The following SYNE3 variants were observed in gnomAD, a reference collection of about 807,000 sequenced individuals.
SYNE3 encodes the protein spectrin repeat containing nuclear envelope family member 3.
SYNE3 carries 100 observed loss-of-function variants against 111.2 expected under a neutral mutation model. The observed-to-expected ratio is 0.90, with a 90% CI of 0.77 to 1.06. SYNE3 has a LOEUF of 1.06. Ranked by LOEUF, SYNE3 falls within the 50% of genes least tolerant of loss-of-function variation. SYNE3 has a pLI of 0.00. For missense variants in SYNE3, 1,160 were observed against 1,240.3 expected (o/e 0.94, Z 0.97); for synonymous variants, 547 against 533.9 (o/e 1.02, Z -0.34).
intron 15 of SYNE3, among the ~76,000 whole-genome samples, chr14:95,435,072 C>A (rs1886010890): frequency 6.6e-6 from 1 of 152,238 alleles, no homozygotes; most frequent in Non-Finnish European, 1.5e-5. Context: ...TAATATACAA[C>A]AGAAACATTC....
chr14:95,496,528 G>A (rs2368591), intron 1 of SYNE3, among the ~76,000 whole-genome samples: 97,709 of 152,080 alleles, frequency 0.64, 31,869 homozygotes, highest in African/African-American at 0.76. Flanking sequence ...TCCTGGGATC[G>A]GGGGTGGGAC....
At position 95,468,469 on chromosome 14, in the gene SYNE3, G is replaced by T. The variant is rs542331007; in HGVS notation, c.145-502C>A. Among the ~76,000 whole-genome samples the T allele has an allele frequency of 3.2e-4, 48 of 152,328 alleles. 1 individual carries two copies. The highest frequency in any genetic ancestry group is 3.1e-3 in the Admixed American group (48 of 15,302). On this transcript the variant is annotated intron_variant, in intron 2 of 17. Coordinates refer to ENST00000682763, the MANE Select transcript of SYNE3 (RefSeq NM_152592.6). Reference sequence around the variant, plus strand: ...GAATCATCTCTGTCTTTCGCAGTTTGCACCAGAGCCTTGCTCCTGAGGCTG... The same window carrying T: ...GAATCATCTCTGTCTTTCGCAGTTTTCACCAGAGCCTTGCTCCTGAGGCTG...
At chr14:95,425,654 T>C (rs1029937107) in intron 17 of SYNE3, among the ~76,000 whole-genome samples, 2 of 152,154 alleles carry the variant, frequency 1.3e-5, no homozygotes, top group Non-Finnish European at 2.9e-5. Flanking sequence ...AGCACACTAA[T>C]GTAAGATGTT....
At position 95,409,195 on chromosome 14, in the gene SYNE3, C is replaced by A; in HGVS notation, c.*8631G>T. The A allele has an allele frequency of 2.2e-6, 1 of 456,760 alleles. No individual in the cohort carries two copies. Among genetic ancestry groups the A allele is most frequent in the South Asian group, 1.5e-5 (1 of 64,572 alleles). The allele number at this position is 456,760 out of a possible 1,614,324, so 28.3% of individuals were successfully genotyped here. A position where few individuals can be genotyped will look rare whatever the true frequency, so the allele number is the denominator to read the frequency against. ...AGCCAGTCATGCCTGGGTACAAGTC[C>A]CAAATTTACCACTCCCCGCCTAGCT... On this transcript the variant is annotated 3_prime_UTR_variant, in exon 18 of 18. Transcript: ENST00000682763.
chr14:95,513,227 T>C (rs549750663), intron 1 of SYNE3, among the ~76,000 whole-genome samples: 30 of 152,316 alleles, frequency 2.0e-4, no homozygotes, highest in African/African-American at 7.2e-4. Context: ...GCTAATCACC[T>C]TCTTGCTTTT....
At chr14:95,471,661 G>A (rs1019042953) in intron 2 of SYNE3, among the ~76,000 whole-genome samples, 5 of 152,226 alleles carry the variant, frequency 3.3e-5, no homozygotes, top group Non-Finnish European at 5.9e-5. Context: ...TTTTCACTGC[G>A]CTGATGATTA....
At position 95,416,367 on chromosome 14, in the gene SYNE3, G is replaced by A. The variant is rs569818571; in HGVS notation, c.*1459C>T. The A allele has an allele frequency of 1.4e-4, 21 of 152,360 alleles. No individual in the cohort carries two copies. The highest frequency in any genetic ancestry group is 5.2e-4 in the Admixed American group (8 of 15,308). 9.4% of individuals were successfully genotyped at this position (152,360 alleles called of 1,614,324 possible). A position where few individuals can be genotyped will look rare whatever the true frequency, so the allele number is the denominator to read the frequency against. ...GATTCCAAAGCCGGACAGAAGGTCC[G>A]AGGAAATCCCCTCGTATTTGTAGTT... On this transcript the variant is annotated 3_prime_UTR_variant, in exon 18 of 18. Transcript: ENST00000682763.
intron 4 of SYNE3, among the ~76,000 whole-genome samples, chr14:95,461,468 T>C (rs1019977052): frequency 4.6e-5 from 7 of 152,240 alleles, no homozygotes; most frequent in African/African-American, 1.7e-4. Flanking sequence ...GGCTTAGCCT[T>C]GGCCCTAGTC....
intron 1 of SYNE3, among the ~76,000 whole-genome samples, chr14:95,495,098 C>G (rs185667399): frequency 1.4e-3 from 203 of 148,256 alleles, no homozygotes; most frequent in African/African-American, 4.7e-3. Context: ...GGCAACAGAG[C>G]GAGACTCAGT....
At chr14:95,429,374 T>C (rs1399884948) in intron 17 of SYNE3, among the ~76,000 whole-genome samples, 5 of 152,204 alleles carry the variant, frequency 3.3e-5, no homozygotes, top group Non-Finnish European at 4.4e-5. Context: ...AGCCTGGGTT[T>C]GAACCCAGAG....
intron 1 of SYNE3, among the ~76,000 whole-genome samples, chr14:95,510,345 T>A (rs1339515244): frequency 6.6e-6 from 1 of 152,086 alleles, no homozygotes; most frequent in African/African-American, 2.4e-5. Context: ...GGAGCATCCA[T>A]ACTGGGACAC....
intron 1 of SYNE3, among the ~76,000 whole-genome samples, chr14:95,480,329 A>C (rs1376943818): frequency 6.6e-6 from 1 of 152,174 alleles, no homozygotes; most frequent in African/African-American, 2.4e-5. Context: ...GACAGAAAGG[A>C]AACAGCCTTG....
intron 14 of SYNE3, 106 bp downstream of exon 14, chr14:95,438,927 C>T (rs1886248676): frequency 6.7e-7 from 1 of 1,496,638 alleles, no homozygotes; most frequent in East Asian, 2.3e-5. Context: ...GTCCTCAGAG[C>T]AGAGCATGTT....
At position 95,439,899 on chromosome 14, in the gene SYNE3, G is replaced by A; in HGVS notation, c.2073+15C>T. ...CTGCTTCTTTGGGAAGTGGGTGAGG[G>A]AACCACCGCCTTACCTCAAACTCGG... On this transcript the variant is annotated intron_variant, in intron 12 of 17. Transcript: ENST00000682763. The A allele has an allele frequency of 1.2e-6, 2 of 1,607,172 alleles. No homozygotes were observed. The highest frequency in any genetic ancestry group is 1.7e-6 in the Non-Finnish European group (2 of 1,176,152).
chr14:95,421,754 T>C (rs1595171417), intron 17 of SYNE3, among the ~76,000 whole-genome samples: 1 of 152,204 alleles, frequency 6.6e-6, no homozygotes. Flanking sequence ...TCCAGTCCCA[T>C]CAGGGAAGAA....
chr14:95,483,893 A>G (rs1889398686), intron 1 of SYNE3, among the ~76,000 whole-genome samples: 1 of 152,162 alleles, frequency 6.6e-6, no homozygotes, highest in South Asian at 2.1e-4. Context: ...CTACTCTACA[A>G]TTACAGCCAC....
chr14:95,449,836 C>A, intron 8 of SYNE3, 95 bp downstream of exon 8: 2 of 1,480,834 alleles, frequency 1.4e-6, no homozygotes, highest in East Asian at 5.0e-5. Context: ...ATCCGGAGGA[C>A]CCGGAAACGG....
chr14:95,440,413 C>T (rs529800254), intron 11 of SYNE3, among the ~76,000 whole-genome samples: 50 of 152,318 alleles, frequency 3.3e-4, no homozygotes, highest in African/African-American at 1.1e-3. Context: ...CCAAATGGAA[C>T]GTGGCTGTAG....
intron 13 of SYNE3, 134 bp downstream of exon 13, chr14:95,439,478 G>T: frequency 1.7e-6 from 2 of 1,208,740 alleles, no homozygotes; most frequent in Non-Finnish European, 2.4e-6. Context: ...CTGGGCCAAA[G>T]TGTGAAGGTG....
Sources: allele counts gnomAD v4.1 joint callset (sites outside exome capture counted in the v4.1 genomes callset), GRCh38; gene constraint gnomAD v4.1.1; transcripts MANE v1.5; gene names NCBI Gene and HGNC (gene_info 2026-07-23, HGNC 2026-07-21).